The following ANKRD55 variants were observed in gnomAD, a reference collection of about 807,000 sequenced individuals.
The protein encoded by ANKRD55 is ankyrin repeat domain 55.
In ANKRD55, 41 loss-of-function variants were observed where a neutral mutation model predicts 60.6. That is an observed-to-expected ratio of 0.68 (90% CI 0.53 to 0.88). ANKRD55 has a LOEUF of 0.88. Among genes scored for constraint, ANKRD55 ranks in the 40% least tolerant of loss-of-function variants. The pLI, the probability that ANKRD55 is intolerant of heterozygous loss-of-function variation, is 0.00. For missense variants in ANKRD55, 732 were observed against 767.6 expected (o/e 0.95, Z 0.55); for synonymous variants, 264 against 290.3 (o/e 0.91, Z 0.92).
chr5:56,213,439 G>A (rs564402200), intron 2 of ANKRD55, among the ~76,000 whole-genome samples: 9 of 151,798 alleles, frequency 5.9e-5, no homozygotes, highest in Non-Finnish European at 1.2e-4. Flanking sequence ...CCTTAAAAGT[G>A]TGTGAATATA....
At chr5:56,115,843 T>G (rs1169827395) in intron 9 of ANKRD55, among the ~76,000 whole-genome samples, 1 of 152,160 alleles carries the variant, frequency 6.6e-6, no homozygotes, top group Non-Finnish European at 1.5e-5. Flanking sequence ...TAAAAATTTC[T>G]CATTTTAATT....
intron 6 of ANKRD55, among the ~76,000 whole-genome samples, chr5:56,156,723 CAG>C (rs2111786326): frequency 6.6e-6 from 1 of 152,298 alleles, no homozygotes; most frequent in South Asian, 2.1e-4. Flanking sequence ...ACACCATGGG[CAG>C]AGTGACCAGA....
At chr5:56,113,890 T>C (rs1321145021) in intron 9 of ANKRD55, among the ~76,000 whole-genome samples, 2 of 151,458 alleles carry the variant, frequency 1.3e-5, no homozygotes, top group African/African-American at 4.8e-5. Flanking sequence ...GCTCAAGTGA[T>C]CCACCCACCT....
intron 2 of ANKRD55, among the ~76,000 whole-genome samples, chr5:56,185,513 A>G (rs1758948234): frequency 1.3e-5 from 2 of 151,526 alleles, no homozygotes; most frequent in South Asian, 4.2e-4. Flanking sequence ...CTAAAAATAC[A>G]AAAAATTAGC....
At chr5:56,188,119 C>T (rs1759015403) in intron 2 of ANKRD55, among the ~76,000 whole-genome samples, 1 of 152,138 alleles carries the variant, frequency 6.6e-6, no homozygotes, top group Admixed American at 6.5e-5. Flanking sequence ...GAACATGTGG[C>T]TTAGAACTAA....
At chr5:56,102,987 G>C (rs1291039183) in intron 10 of ANKRD55, among the ~76,000 whole-genome samples, 1 of 152,130 alleles carries the variant, frequency 6.6e-6, no homozygotes, top group Non-Finnish European at 1.5e-5. Context: ...CTCAGTCCTG[G>C]CTGCACATAG....
At chr5:56,151,710 G>A (rs1351424359) in intron 6 of ANKRD55, among the ~76,000 whole-genome samples, 3 of 151,848 alleles carry the variant, frequency 2.0e-5, no homozygotes, top group South Asian at 2.1e-4. Flanking sequence ...CTACTTAAGA[G>A]GCTGAGGCAG....
At chr5:56,183,379 G>T in intron 3 of ANKRD55, 133 bp downstream of exon 3, 2 of 1,171,770 alleles carry the variant, frequency 1.7e-6, no homozygotes, top group Non-Finnish European at 2.4e-6. Flanking sequence ...AAGAGGCGAT[G>T]TGGTACCTGC....
intron 6 of ANKRD55, among the ~76,000 whole-genome samples, chr5:56,159,264 C>G (rs551517145): frequency 1.3e-5 from 2 of 152,160 alleles, no homozygotes; most frequent in African/African-American, 2.4e-5. Context: ...GAGTTTGAGA[C>G]CAGCTTGACC....
chr5:56,193,049 G>A, intron 2 of ANKRD55: 1 of 954,956 alleles, frequency 1.0e-6, no homozygotes, highest in South Asian at 1.5e-5. Context: ...GTTTTTGAAA[G>A]CAGATGATGA....
chr5:56,204,002 G>GT (rs1759441693), intron 2 of ANKRD55, among the ~76,000 whole-genome samples: 1 of 151,674 alleles, frequency 6.6e-6, no homozygotes, highest in Non-Finnish European at 1.5e-5. Flanking sequence ...CACCTGTTGT[G>GT]TTTTTTTAAT....
At chr5:56,144,566 G>C (rs1330779960) in intron 6 of ANKRD55, among the ~76,000 whole-genome samples, 1 of 152,146 alleles carries the variant, frequency 6.6e-6, no homozygotes, top group Non-Finnish European at 1.5e-5. Context: ...GCTGATCCTG[G>C]GAGGGTGGGA....
intron 2 of ANKRD55, among the ~76,000 whole-genome samples, chr5:56,194,131 C>A (rs1303472303): frequency 2.0e-5 from 3 of 152,076 alleles, no homozygotes; most frequent in Non-Finnish European, 4.4e-5. Context: ...CCCTGGCCAA[C>A]ATGGTGAAAC....
chr5:56,151,338 G>C (rs933434178), intron 6 of ANKRD55, among the ~76,000 whole-genome samples: 6 of 152,118 alleles, frequency 3.9e-5, no homozygotes, highest in African/African-American at 1.4e-4. Context: ...CTAATACCAT[G>C]AAAATCTTAG....
At chr5:56,165,941 T>A (rs1055755448) in intron 5 of ANKRD55, among the ~76,000 whole-genome samples, 11 of 151,146 alleles carry the variant, frequency 7.3e-5, no homozygotes, top group African/African-American at 2.7e-4. Flanking sequence ...AAAAAAAAAA[T>A]AGTACTTATT....
At chr5:56,143,079 C>T (rs1757812351) in intron 7 of ANKRD55, among the ~76,000 whole-genome samples, 1 of 152,186 alleles carries the variant, frequency 6.6e-6, no homozygotes, top group Non-Finnish European at 1.5e-5. Context: ...GGCAGTAGCT[C>T]AGACAGGTGC....
intron 9 of ANKRD55, among the ~76,000 whole-genome samples, chr5:56,115,719 G>T (rs553432691): frequency 1.3e-5 from 2 of 151,366 alleles, no homozygotes; most frequent in Non-Finnish European, 2.9e-5. Flanking sequence ...TTTTGTTTTG[G>T]GAAATAGAAA....
At chr5:56,186,630 AAT>A (rs1758981404) in intron 2 of ANKRD55, among the ~76,000 whole-genome samples, 2 of 152,200 alleles carry the variant, frequency 1.3e-5, no homozygotes, top group South Asian at 2.1e-4. Context: ...CTACTTAAAA[AAT>A]TTTTTTTTGG....
At chr5:56,163,674 C>A (rs1758384325) in intron 5 of ANKRD55, among the ~76,000 whole-genome samples, 2 of 152,186 alleles carry the variant, frequency 1.3e-5, no homozygotes, top group South Asian at 4.1e-4. Flanking sequence ...TGGGCGAGCT[C>A]CCAGTGCCTA....
Sources: allele counts gnomAD v4.1 joint callset (sites outside exome capture counted in the v4.1 genomes callset), GRCh38; gene constraint gnomAD v4.1.1; transcripts MANE v1.5; gene names NCBI Gene and HGNC (gene_info 2026-07-23, HGNC 2026-07-21).